Variants in ABCA4 observed in about 807,000 individuals in gnomAD.
ABCA4 encodes the protein retinal-specific phospholipid-transporting ATPase ABCA4.
In ABCA4, 196 loss-of-function variants were observed where a neutral mutation model predicts 263.7. That is an observed-to-expected ratio of 0.74 (90% confidence interval 0.66 to 0.84). The LOEUF is 0.84. Ranked by LOEUF, ABCA4 falls within the 40% of genes least tolerant of loss-of-function variation. ABCA4 has a pLI of 0.00. For missense variants in ABCA4, 2,792 were observed against 2,855.1 expected (o/e 0.98, Z 0.50); for synonymous variants, 1,133 against 1,094.2 (o/e 1.04, Z -0.70).
chr1:94,046,951 C>A lies in ABCA4; in HGVS notation c.2886G>T (p.Leu962=). 6.2e-7 allele frequency: 1 copy of A among 1,614,138 alleles called. No individual in the cohort carries two copies. Among genetic ancestry groups the A allele is most frequent in the Non-Finnish European group, 8.5e-7 (1 of 1,180,036 alleles). The change falls in exon 19 of 50, where the codon CTG becomes CTT. Residue 962 remains leucine (L), a synonymous_variant. Coordinates refer to ENST00000370225, the MANE Select transcript of ABCA4 (RefSeq NM_000350.3). ...TGGTTTTCCCAGCTCCATTGTGGCC[C>A]AGGAATGCGGTGATCTGGTTCTCGT... The part of the protein sequence containing the change: ...TFYENQITAF[L]GHNGAGKTTT...
intron 1 of ABCA4, among the ~76,000 whole-genome samples, chr1:94,116,968 C>CTTTCTT (rs764312285): frequency 0.011 from 1,142 of 100,048 alleles, 15 homozygotes; most frequent in East Asian, 0.056. Context: ...TTCTTTCTTT[C>CTTTCTT]TCTTTCTTTC....
chr1:94,074,931 G>A (rs1179485577), intron 11 of ABCA4, among the ~76,000 whole-genome samples: 3 of 152,184 alleles, frequency 2.0e-5, no homozygotes, highest in Admixed American at 2.0e-4. Context: ...TCAGTGATAG[G>A]CTGGATAAGG....
Position 94,021,286 on chromosome 1 carries a change from T to G in ABCA4, c.4972A>C (p.Ser1658Arg), listed in dbSNP as rs776189664. Reference protein sequence around the residue: ...SPEEYGITVISQPLNLTKEQL... With the variant: ...SPEEYGITVIRQPLNLTKEQL... ...TCCTTGGTCAGGTTCAGGGGTTGGC[T>G]AATGACGGTGATTCCATACTCCTCG... is the stretch of plus-strand genomic sequence containing the variant. Residue 1658 changes from serine (S) to arginine (R), a missense_variant, in exon 35 of 50, where the codon AGC becomes CGC. Physicochemically the swap from Ser to Arg is moderately radical, Grantham distance 110 (BLOSUM62 -1). Transcript: ENST00000370225. 3 of 1,614,220 alleles carry G rather than the reference T, an allele frequency of 1.9e-6. No homozygotes were observed. The East Asian group carries it at 6.7e-5, about 36-fold the overall frequency.
chr1:94,024,305 A>G (rs964832518), intron 31 of ABCA4, among the ~76,000 whole-genome samples: 9 of 152,060 alleles, frequency 5.9e-5, no homozygotes. Flanking sequence ...GCTTGTTCTG[A>G]TACGGGCTGC....
intron 1 of ABCA4, 50 bp downstream of exon 1, chr1:94,120,930 T>G: frequency 1.7e-6 from 1 of 593,726 alleles, no homozygotes; most frequent in Non-Finnish European, 2.6e-6. Flanking sequence ...ACTTCCAACC[T>G]GTTTATTTGC....
Position 94,037,164 on chromosome 1 carries a change from G to C in ABCA4, c.3794C>G (p.Ser1265Cys), listed in dbSNP as rs531449824. Residue 1265 changes from serine (S) to cysteine (C), a missense_variant, in exon 25 of 50, where the codon TCT becomes TGT. Physicochemically the swap from Ser to Cys is moderately radical, Grantham distance 112. Coordinates refer to ENST00000370225, the MANE Select transcript of ABCA4 (RefSeq NM_000350.3). ...ADLGLSSFGISDTPLEEIFLK... is the reference protein window; with the variant it reads ...ADLGLSSFGICDTPLEEIFLK... The stretch of plus-strand genomic sequence containing the variant: ...CTTTACCTCTTCCAGGGGAGTGTCA[G>C]AAATTCCAAAACTGCTGAGACCAAG... 3 of 1,614,220 alleles carry C rather than the reference G, an allele frequency of 1.9e-6. No individual in the cohort carries two copies. The African/African-American group carries it at 4.0e-5, about 22-fold the overall frequency.
intron 18 of ABCA4, among the ~76,000 whole-genome samples, chr1:94,047,743 G>C (rs1036278307): frequency 1.3e-5 from 2 of 152,048 alleles, no homozygotes; most frequent in African/African-American, 4.8e-5. Flanking sequence ...TCCAATAGGT[G>C]GGTAGGGCAG....
At chr1:94,074,964 T>C (rs911389464) in intron 11 of ABCA4, among the ~76,000 whole-genome samples, 1 of 152,182 alleles carries the variant, frequency 6.6e-6, no homozygotes. Context: ...ATATACACCA[T>C]AGAATACTAT....
chr1:94,120,916 C>CCCCCCA, intron 1 of ABCA4, 64 bp downstream of exon 1: 1 of 1,375,820 alleles, frequency 7.3e-7, no homozygotes, highest in Non-Finnish European at 1.0e-6. Flanking sequence ...CCACCCCACC[C>CCCCCCA]CACACTTCCA....
chr1:94,047,280 C>T (rs956426602), intron 18 of ABCA4, among the ~76,000 whole-genome samples, 187 bp from the exon 19 acceptor site: 3 of 152,208 alleles, frequency 2.0e-5, no homozygotes, highest in Admixed American at 6.5e-5. Context: ...TACAGCACCT[C>T]CTATATGCCA....
intron 34 of ABCA4, 105 bp from the exon 35 acceptor site, chr1:94,021,514 A>G: frequency 6.5e-7 from 1 of 1,537,896 alleles, no homozygotes; most frequent in Non-Finnish European, 9.0e-7. Context: ...TGGTAGCTGG[A>G]AGACATTCCT....
At chr1:94,022,655 T>A (rs1443499156) in intron 32 of ABCA4, among the ~76,000 whole-genome samples, 2 of 152,076 alleles carry the variant, frequency 1.3e-5, no homozygotes, top group Non-Finnish European at 2.9e-5. Flanking sequence ...CTCAAACCCT[T>A]CAAAGGCAGG....
At chr1:94,019,524 A>G in intron 36 of ABCA4, 58 bp downstream of exon 36, 2 of 1,534,654 alleles carry the variant, frequency 1.3e-6, no homozygotes, top group South Asian at 2.4e-5. Flanking sequence ...TTCAGAGCAC[A>G]CACAAGCTCC....
chr1:94,005,303 T>C (rs1659342970), intron 44 of ABCA4, 138 bp downstream of exon 44: 3 of 1,175,548 alleles, frequency 2.6e-6, no homozygotes, highest in Admixed American at 3.6e-5. Context: ...TGGCACACAG[T>C]AGACACATAG....
At chr1:94,091,579 T>TCTCACA (rs1350932255) in intron 6 of ABCA4, among the ~76,000 whole-genome samples, 1 of 143,756 alleles carries the variant, frequency 7.0e-6, no homozygotes, top group African/African-American at 2.7e-5. Flanking sequence ...AAACATCATC[T>TCTCACA]CACACACACA....
At chr1:94,112,801 CT>C (rs1662646411) in intron 2 of ABCA4, among the ~76,000 whole-genome samples, 171 bp downstream of exon 2, 1 of 152,150 alleles carries the variant, frequency 6.6e-6, no homozygotes, top group Non-Finnish European at 1.5e-5. Context: ...TCTCTAAAGA[CT>C]TTTTAAAAAT....
At chr1:94,022,750 T>TGTG (rs1299441923) in intron 32 of ABCA4, among the ~76,000 whole-genome samples, 3 of 152,202 alleles carry the variant, frequency 2.0e-5, no homozygotes, top group Non-Finnish European at 2.9e-5. Flanking sequence ...CTTGAATCAC[T>TGTG]GCCTCACTCC....
Position 94,111,454 on chromosome 1 carries a change from T to C in ABCA4, c.286A>G (p.Asn96Asp), listed in dbSNP as rs61748529. The change falls in exon 3 of 50, where the codon AAC becomes GAC. Residue 96 changes from asparagine (N) to aspartate (D), a missense_variant. Transcript: ENST00000370225. ...AACACTTACATGGAGTTGTTATAGT[T>C]TGACACAATTCCAGGAGATTCTCCT... ...TPGESPGIVSNYNNSILARVY... is the reference protein window; with the variant it reads ...TPGESPGIVSDYNNSILARVY... 10 of 1,613,962 alleles carry C rather than the reference T, an allele frequency of 6.2e-6. No individual in the cohort carries two copies. The highest frequency in any genetic ancestry group is 1.6e-4 in the Middle Eastern group (1 of 6,072).
chr1:94,015,561 A>G (rs1462028861), intron 37 of ABCA4, among the ~76,000 whole-genome samples, 178 bp downstream of exon 37: 1 of 152,196 alleles, frequency 6.6e-6, no homozygotes, highest in East Asian at 1.9e-4. Flanking sequence ...CAGTGGAGTC[A>G]GAATCAGAAG....
Sources: allele counts gnomAD v4.1 joint callset (sites outside exome capture counted in the v4.1 genomes callset), GRCh38; gene constraint gnomAD v4.1.1; transcripts MANE v1.5; gene names NCBI Gene and HGNC (gene_info 2026-07-23, HGNC 2026-07-21).